NELL1: variants seen among roughly 807,000 people sequenced by gnomAD.
The protein encoded by NELL1 is protein kinase C-binding protein NELL1.
NELL1 carries 76 observed loss-of-function variants against 107.4 expected under a neutral mutation model. That is an observed-to-expected ratio of 0.71 (90% CI 0.59 to 0.86). The LOEUF (loss-of-function observed/expected upper bound fraction) is 0.86. NELL1 is among the 40% of genes least tolerant of loss of function. The pLI is 0.00. For missense variants in NELL1, 1,024 were observed against 1,005.5 expected (o/e 1.02, Z -0.25); for synonymous variants, 353 against 341.2 (o/e 1.03, Z -0.38).
chr11:21,485,815 C>A (rs758595969), intron 15 of NELL1, among the ~76,000 whole-genome samples: 5 of 152,070 alleles, frequency 3.3e-5, no homozygotes, highest in African/African-American at 4.8e-5. Flanking sequence ...GTCCCACCCC[C>A]ACAATACTTA....
intron 13 of NELL1, among the ~76,000 whole-genome samples, chr11:21,221,448 GA>G (rs1350684279): frequency 1.3e-5 from 2 of 152,124 alleles, no homozygotes; most frequent in East Asian, 3.9e-4. Context: ...TAATTTAGAA[GA>G]ATTGGTAGTT....
At chr11:21,425,646 C>T (rs890941290) in intron 15 of NELL1, among the ~76,000 whole-genome samples, 11 of 152,148 alleles carry the variant, frequency 7.2e-5, no homozygotes, top group Non-Finnish European at 1.3e-4. Flanking sequence ...TATAGAGCCC[C>T]GAGAAGTATC....
At chr11:21,155,626 G>C (rs1284651913) in intron 13 of NELL1, among the ~76,000 whole-genome samples, 1 of 152,106 alleles carries the variant, frequency 6.6e-6, no homozygotes, top group Non-Finnish European at 1.5e-5. Flanking sequence ...CCCTTGGTTT[G>C]GTATTTAGGA....
intron 13 of NELL1, among the ~76,000 whole-genome samples, chr11:21,222,846 A>G (rs1003644679): frequency 2.2e-5 from 3 of 134,040 alleles, no homozygotes; most frequent in Admixed American, 7.7e-5. Context: ...ATGTTTTTAT[A>G]TAATTTTCAA....
chr11:21,133,992 C>T (rs1331721411), intron 13 of NELL1, among the ~76,000 whole-genome samples: 1 of 152,244 alleles, frequency 6.6e-6, no homozygotes. Flanking sequence ...GATGTCTTTG[C>T]AGCAACCACT....
chr11:21,573,086 G>C, intron 18 of NELL1, 99 bp from the exon 19 acceptor site: 1 of 855,978 alleles, frequency 1.2e-6, no homozygotes, highest in South Asian at 1.6e-5. Flanking sequence ...GAAATATTCA[G>C]TGATGAGAAT....
intron 15 of NELL1, among the ~76,000 whole-genome samples, chr11:21,525,010 G>A (rs1855816912): frequency 6.6e-6 from 1 of 152,172 alleles, no homozygotes; most frequent in South Asian, 2.1e-4. Context: ...ATAGGCAATA[G>A]TAAATGCGTT....
intron 5 of NELL1, among the ~76,000 whole-genome samples, chr11:20,895,423 C>A (rs990921980): frequency 6.6e-6 from 1 of 150,630 alleles, no homozygotes; most frequent in African/African-American, 2.4e-5. Flanking sequence ...ATCTGTCTTT[C>A]CGCTCTCTAT....
intron 13 of NELL1, among the ~76,000 whole-genome samples, chr11:21,157,967 T>C (rs533896766): frequency 2.0e-5 from 3 of 152,114 alleles, no homozygotes; most frequent in African/African-American, 4.8e-5. Context: ...GAAATTAGCA[T>C]TTGAGTCAGT....
intron 19 of NELL1, among the ~76,000 whole-genome samples, chr11:21,573,993 G>A (rs1029054025): frequency 4.6e-5 from 7 of 151,760 alleles, no homozygotes; most frequent in Non-Finnish European, 8.8e-5. Flanking sequence ...TTTTGGAGGG[G>A]TTTTCATGAG....
At chr11:20,895,271 CAAAAAA>C (rs1156409312) in intron 5 of NELL1, among the ~76,000 whole-genome samples, 2 of 10,486 alleles carry the variant, frequency 1.9e-4, no homozygotes, top group African/African-American at 2.8e-4. Flanking sequence ...GACTCCGTCT[CAAAAAA>C]AAAAAAAAAA....
At chr11:20,778,054 A>G (rs1856782352) in intron 2 of NELL1, among the ~76,000 whole-genome samples, 1 of 152,244 alleles carries the variant, frequency 6.6e-6, no homozygotes, top group South Asian at 2.1e-4. Context: ...AGGGTAATGT[A>G]TAACACGTGA....
At chr11:21,168,071 T>G (rs1856523657) in intron 13 of NELL1, among the ~76,000 whole-genome samples, 1 of 151,822 alleles carries the variant, frequency 6.6e-6, no homozygotes, top group Admixed American at 6.6e-5. Context: ...ATGTCAATCT[T>G]ATTCCATACT....
rs1614468 is a variant in NELL1, at chr11:21,144,683, G to A, written c.1426+30969G>A. Reference sequence around the variant, plus strand: ...CTTTTAGCGTGACTGTCTCAAGAGCGTGATAGGAAATGAAGGTAGTAGTTA... The same window carrying A: ...CTTTTAGCGTGACTGTCTCAAGAGCATGATAGGAAATGAAGGTAGTAGTTA... On this transcript the variant is annotated intron_variant, in intron 13 of 19. Transcript: ENST00000357134. Among the ~76,000 whole-genome samples the A allele has an allele frequency of 7.7e-3, 1,173 of 152,254 alleles. 16 individuals are homozygous for A. Among genetic ancestry groups the A allele is most frequent in the African/African-American group, 0.026 (1,096 of 41,544 alleles).
At chr11:21,461,538 G>T (rs1017790896) in intron 15 of NELL1, among the ~76,000 whole-genome samples, 3 of 151,968 alleles carry the variant, frequency 2.0e-5, no homozygotes, top group South Asian at 4.2e-4. Flanking sequence ...ATTGTTGGTC[G>T]GTCAGAATTA....
At chr11:21,491,291 C>G (rs998429356) in intron 15 of NELL1, among the ~76,000 whole-genome samples, 5 of 151,988 alleles carry the variant, frequency 3.3e-5, no homozygotes, top group African/African-American at 4.8e-5. Flanking sequence ...GTCCTGAATG[C>G]TAATGCCTAG....
intron 14 of NELL1, among the ~76,000 whole-genome samples, chr11:21,237,579 A>G (rs1161720948): frequency 2.6e-5 from 4 of 152,100 alleles, no homozygotes; most frequent in African/African-American, 9.7e-5. Flanking sequence ...GGCAGTCATC[A>G]TAGAAGTTAT....
chr11:20,886,427 T>C (rs766968551), intron 5 of NELL1, among the ~76,000 whole-genome samples: 5 of 152,174 alleles, frequency 3.3e-5, no homozygotes, highest in Admixed American at 6.6e-5. Context: ...AAAATCCTTC[T>C]GCTTCAAAAT....
At chr11:21,108,032 T>C (rs1180873470) in intron 12 of NELL1, among the ~76,000 whole-genome samples, 1 of 152,114 alleles carries the variant, frequency 6.6e-6, no homozygotes, top group Admixed American at 6.6e-5. Flanking sequence ...CTGGGATGGT[T>C]AGGAGCAATG....
Sources: allele counts gnomAD v4.1 joint callset (sites outside exome capture counted in the v4.1 genomes callset), GRCh38; gene constraint gnomAD v4.1.1; transcripts MANE v1.5; gene names NCBI Gene and HGNC (gene_info 2026-07-23, HGNC 2026-07-21).